Variants in ZNF619 observed in about 807,000 individuals in gnomAD.
ZNF619 encodes the protein zinc finger protein 619.
A neutral mutation model predicts 14.2 loss-of-function variants in ZNF619; 9 were observed. That is an observed-to-expected ratio of 0.64 (90% CI 0.38 to 1.11). The LOEUF is 1.11. Ranked by LOEUF, ZNF619 falls within the 50% of genes least tolerant of loss-of-function variation. The pLI is 0.01. For synonymous variants in ZNF619, 246 were observed against 252.8 expected, an observed-to-expected ratio of 0.97 and a Z score of 0.26; for missense variants, 659 against 680.1, an observed-to-expected ratio of 0.97 and a Z score of 0.34.
intron 4 of ZNF619, 148 bp downstream of exon 4, chr3:40,482,852 A>C: frequency 1.6e-6 from 1 of 621,222 alleles, no homozygotes; most frequent in East Asian, 2.8e-5. Flanking sequence ...GCTTACCAGA[A>C]CTTCATCCCC....
chr3:40,481,967 C>G lies in ZNF619; in HGVS notation c.129C>G (p.Ala43=). The G allele has an allele frequency of 6.2e-7, 1 of 1,612,126 alleles. No individual in the cohort carries two copies. Among genetic ancestry groups the G allele is most frequent in the African/African-American group, 1.3e-5 (1 of 74,892 alleles). Residue 43 remains alanine (A), a synonymous_variant, in exon 3 of 5, where the codon GCC becomes GCG. Coordinates refer to ENST00000432264, the MANE Select transcript of ZNF619 (RefSeq NM_001145093.4). Reference sequence around the variant, plus strand: ...CCAGCCTGCACCCTACGCAGAGGGCCCTATACAGGGAGGTGATGCTGGAGA... The same window carrying G: ...CCAGCCTGCACCCTACGCAGAGGGCGCTATACAGGGAGGTGATGCTGGAGA... ...EWASLHPTQR[A]LYREVMLENY...
chr3:40,478,320 T>G (rs1020717157), intron 2 of ZNF619, among the ~76,000 whole-genome samples: 3 of 152,026 alleles, frequency 2.0e-5, no homozygotes, highest in African/African-American at 7.2e-5. Context: ...CCTCCCCAGA[T>G]CTCCTAAATC....
intron 2 of ZNF619, among the ~76,000 whole-genome samples, chr3:40,480,456 G>A (rs574218577): frequency 1.6e-4 from 24 of 149,604 alleles, no homozygotes; most frequent in African/African-American, 4.4e-4. Context: ...ATCCATTGAT[G>A]ATTTTTGCCC....
At chr3:40,482,428 C>T in intron 3 of ZNF619, 160 bp from the exon 4 acceptor site, 1 of 1,593,972 alleles carries the variant, frequency 6.3e-7, no homozygotes, top group Non-Finnish European at 8.6e-7. Flanking sequence ...CCAGAGTAAG[C>T]TTCAAGCCCT....
intron 4 of ZNF619, among the ~76,000 whole-genome samples, 157 bp from the exon 5 acceptor site, chr3:40,486,649 C>T (rs1385372076): frequency 2.0e-5 from 3 of 150,174 alleles, no homozygotes; most frequent in East Asian, 1.9e-4. Flanking sequence ...TGTGGTGAGC[C>T]GAGATCATGC....
At position 40,481,946 on chromosome 3, in the gene ZNF619, C is replaced by A; in HGVS notation, c.108C>A (p.Ser36Arg). 1 of 1,613,834 alleles carries A rather than the reference C, an allele frequency of 6.2e-7. No homozygotes were observed. Among genetic ancestry groups the A allele is most frequent in the Non-Finnish European group, 8.5e-7 (1 of 1,179,876 alleles). The change falls in exon 3 of 5, where the codon AGC becomes AGA. Residue 36 changes from serine to arginine, a missense_variant. By Grantham distance (110) the Ser-to-Arg change is moderately radical. Coordinates refer to ENST00000432264, the MANE Select transcript of ZNF619 (RefSeq NM_001145093.4). ...AVYFTQNEWA[S>R]LHPTQRALYR... ...ACTTCACCCAGAATGAATGGGCCAG[C>A]CTGCACCCTACGCAGAGGGCCCTAT...
At chr3:40,483,999 C>T (rs765120991) in intron 4 of ZNF619, among the ~76,000 whole-genome samples, 2 of 152,046 alleles carry the variant, frequency 1.3e-5, no homozygotes, top group Non-Finnish European at 2.9e-5. Flanking sequence ...TATTTCGGCT[C>T]ACTGCAACCT....
chr3:40,490,988 C>T lies in ZNF619; in HGVS notation c.*2747C>T, dbSNP rs1295569545. 1.3e-5 allele frequency among the ~76,000 whole-genome samples: 2 copies of T among 152,142 alleles called. No individual in the cohort carries two copies. The highest frequency in any genetic ancestry group is 6.5e-5 in the Admixed American group (1 of 15,272). On this transcript the variant is annotated 3_prime_UTR_variant, in exon 5 of 5. Coordinates refer to ENST00000432264, the MANE Select transcript of ZNF619 (RefSeq NM_001145093.4). ...TATGACACAGCAAGAAGGCCAGATA[C>T]GGCCCCTCCACAGTTCCCAGCCCTC...
chr3:40,488,428 G>T lies in ZNF619; in HGVS notation c.*187G>T, dbSNP rs1378967520. On this transcript the variant is annotated 3_prime_UTR_variant, in exon 5 of 5. Coordinates refer to ENST00000432264, the MANE Select transcript of ZNF619 (RefSeq NM_001145093.4). ...TTCTTTTATCCCCCGGTAGGAAATG[G>T]CAGTACTTATTCTTTATCGTGTCCA... The T allele has an allele frequency of 1.8e-6, 1 of 567,982 alleles. No individual in the cohort carries two copies. Among genetic ancestry groups the T allele is most frequent in the South Asian group, 2.4e-5 (1 of 41,130 alleles). 35.2% of individuals were successfully genotyped at this position (567,982 alleles called of 1,614,324 possible).
chr3:40,489,856 TTTAAA>T lies in ZNF619; in HGVS notation c.*1619_*1623del, dbSNP rs1697753852. ...AAATCTGAATTTTATTGGTGGCACTTTTAAATTAGTTTTATAAAGAACTGTTTTGA... is the reference window on the plus strand; with the variant it reads ...AAATCTGAATTTTATTGGTGGCACTTTTAGTTTTATAAAGAACTGTTTTGA... On this transcript the variant is annotated 3_prime_UTR_variant, in exon 5 of 5. Coordinates refer to ENST00000432264, the MANE Select transcript of ZNF619 (RefSeq NM_001145093.4). 6.6e-6 allele frequency: 1 copy of T among 152,210 alleles called. No homozygotes were observed. The highest frequency in any genetic ancestry group is 1.5e-5 in the Non-Finnish European group (1 of 68,046). The allele number at this position is 152,210 out of a possible 1,614,324, so 9.4% of individuals were successfully genotyped here. A position where few individuals can be genotyped will look rare whatever the true frequency, so the allele number is the denominator to read the frequency against.
rs1157856921 is a variant in ZNF619, at chr3:40,490,775, A to T, written c.*2534A>T. On this transcript the variant is annotated 3_prime_UTR_variant, in exon 5 of 5. Coordinates refer to ENST00000432264, the MANE Select transcript of ZNF619 (RefSeq NM_001145093.4). ...TAACATAAAAAATATGTGTTAATCG[A>T]CTGTTTCAGTAAGGCTCTGGTCAAC... Among the ~76,000 whole-genome samples, 1 of 152,214 alleles carries T rather than the reference A, an allele frequency of 6.6e-6. No homozygotes were observed. Among genetic ancestry groups the T allele is most frequent in the Non-Finnish European group, 1.5e-5 (1 of 68,040 alleles).
At chr3:40,480,634 G>T (rs1488610872) in intron 2 of ZNF619, among the ~76,000 whole-genome samples, 1 of 151,936 alleles carries the variant, frequency 6.6e-6, no homozygotes. Flanking sequence ...GAGTAGCTGG[G>T]ACTACAGGTG....
At chr3:40,482,359 C>T in intron 3 of ZNF619, 1 of 1,560,766 alleles carries the variant, frequency 6.4e-7, no homozygotes, top group Non-Finnish European at 8.7e-7. Flanking sequence ...TGTGAGTCCC[C>T]TAGGGCCCTC....
intron 2 of ZNF619, 52 bp downstream of exon 2, chr3:40,478,055 C>G (rs1697255622): frequency 6.6e-7 from 1 of 1,518,494 alleles, no homozygotes; most frequent in Non-Finnish European, 8.9e-7. Flanking sequence ...TATGGAAGGT[C>G]AGTACAGCCC....
At position 40,490,842 on chromosome 3, in the gene ZNF619, A is replaced by G. The variant is rs1697783136; in HGVS notation, c.*2601A>G. On this transcript the variant is annotated 3_prime_UTR_variant, in exon 5 of 5. Coordinates refer to ENST00000432264, the MANE Select transcript of ZNF619 (RefSeq NM_001145093.4). ...TTACATTTTTGGGGAGTTAAAAGTTATACATGGCATGGGGGTTGGTGCCCA... is the reference window on the plus strand; with the variant it reads ...TTACATTTTTGGGGAGTTAAAAGTTGTACATGGCATGGGGGTTGGTGCCCA... 6.6e-6 allele frequency among the ~76,000 whole-genome samples: 1 copy of G among 152,282 alleles called. No individual in the cohort carries two copies. The highest frequency in any genetic ancestry group is 1.9e-4 in the East Asian group (1 of 5,190).
Position 40,486,721 on chromosome 3 carries a change from G to A in ZNF619, c.296-85G>A, listed in dbSNP as rs1399776300. The A allele has an allele frequency of 1.9e-5, 20 of 1,027,590 alleles. No homozygotes were observed. The East Asian group carries it at 4.5e-4, about 23-fold the overall frequency. The allele number at this position is 1,027,590 out of a possible 1,614,324, so 63.7% of individuals were successfully genotyped here. A position where few individuals can be genotyped will look rare whatever the true frequency, so the allele number is the denominator to read the frequency against. The stretch of plus-strand genomic sequence containing the variant: ...CACTCAAAAAAAAAAAAAAATTCAT[G>A]TGTCTAGGGCAAGCTGTTACTGATT... On this transcript the variant is annotated intron_variant, in intron 4 of 4. Coordinates refer to ENST00000432264, the MANE Select transcript of ZNF619 (RefSeq NM_001145093.4).
intron 4 of ZNF619, among the ~76,000 whole-genome samples, chr3:40,485,557 C>A (rs1357485373): frequency 3.3e-5 from 5 of 152,096 alleles, no homozygotes; most frequent in Non-Finnish European, 7.4e-5. Flanking sequence ...CCTGCCTCGG[C>A]CTCCCAAAGT....
In ZNF619 at chr3:40,487,029, T is replaced by A; in HGVS notation, c.519T>A (p.Thr173=). 6.2e-7 allele frequency: 1 copy of A among 1,614,128 alleles called. No individual in the cohort carries two copies. Among genetic ancestry groups the A allele is most frequent in the Non-Finnish European group, 8.5e-7 (1 of 1,180,024 alleles). Residue 173 remains threonine (T), a synonymous_variant, in exon 5 of 5, where the codon ACT becomes ACA. Coordinates refer to ENST00000432264, the MANE Select transcript of ZNF619 (RefSeq NM_001145093.4). Reference sequence around the variant, plus strand: ...TCCAGGATCATGAATCTTCCACCACTGAAAGGGAGGAGATAGCCAGGAAAT... The same window carrying A: ...TCCAGGATCATGAATCTTCCACCACAGAAAGGGAGGAGATAGCCAGGAAAT... The part of the protein sequence containing the change: ...LTVQDHESST[T]EREEIARKLE...
chr3:40,485,348 C>T (rs1282424597), intron 4 of ZNF619, among the ~76,000 whole-genome samples: 1 of 149,378 alleles, frequency 6.7e-6, no homozygotes, highest in African/African-American at 2.5e-5. Context: ...ATCCCCCAGG[C>T]TGGAGCGCAG....
Sources: gnomAD v4.1 joint callset for allele counts (sites outside exome capture counted in the v4.1 genomes callset) on GRCh38, gnomAD v4.1.1 for gene constraint, MANE v1.5 for transcripts, NCBI Gene and HGNC (gene_info 2026-07-23, HGNC 2026-07-21) for gene names.